Variants in KCNN2 observed in about 807,000 individuals in gnomAD.
KCNN2 encodes the protein small conductance calcium-activated potassium channel protein 2.
In KCNN2, 24 loss-of-function variants were observed where a neutral mutation model predicts 55.5. The observed-to-expected ratio is 0.43, with a 90% CI of 0.31 to 0.61. KCNN2 has a LOEUF of 0.61. Among genes scored for constraint, KCNN2 ranks in the 20% least tolerant of loss-of-function variants. The pLI is 0.08. For synonymous variants in KCNN2, 431 were observed against 336.1 expected, an observed-to-expected ratio of 1.28 and a Z score of -3.09; for missense variants, 754 against 853.6, an observed-to-expected ratio of 0.88 and a Z score of 1.45.
chr5:114,287,095 A>G (rs1208765072), intron 2 of KCNN2, among the ~76,000 whole-genome samples: 2 of 152,216 alleles, frequency 1.3e-5, no homozygotes, highest in Non-Finnish European at 2.9e-5. Flanking sequence ...GAAGACGCCC[A>G]TGGACAGAAC....
intron 1 of KCNN2, among the ~76,000 whole-genome samples, chr5:114,143,016 A>G (rs1299295552): frequency 1.3e-5 from 2 of 152,096 alleles, no homozygotes; most frequent in African/African-American, 4.8e-5. Flanking sequence ...TCCCAGGTGG[A>G]TTGACAGGTC....
rs530226542 is a variant in KCNN2 at position 114,160,552 on chromosome 5, A to T, written c.-270-60928A>T. 3.8e-3 allele frequency among the ~76,000 whole-genome samples: 573 copies of T among 152,088 alleles called. 3 individuals are homozygous for T. The highest frequency in any genetic ancestry group is 0.017 in the Middle Eastern group (5 of 294). On this transcript the variant is annotated intron_variant, in intron 1 of 10. Coordinates refer to the KCNN2 transcript ENST00000512097. ...GTGCAGAGCTGAGTTCAATTCCTGG[A>T]TATCCTTTTTAACTTTCTGTCTCGT...
At chr5:114,156,949 G>A (rs191195791) in intron 1 of KCNN2, among the ~76,000 whole-genome samples, 1 of 151,628 alleles carries the variant, frequency 6.6e-6, no homozygotes, top group African/African-American at 2.4e-5. Context: ...GTTTAGTTAT[G>A]TAGTATACCT....
intron 2 of KCNN2, among the ~76,000 whole-genome samples, chr5:114,404,196 C>A (rs1476014332): frequency 6.6e-6 from 1 of 152,132 alleles, no homozygotes; most frequent in Non-Finnish European, 1.5e-5. Flanking sequence ...ACGTGATTGT[C>A]CAGGAACTTT....
At chr5:114,225,422 T>C (rs1227868896) in intron 2 of KCNN2, among the ~76,000 whole-genome samples, 2 of 152,012 alleles carry the variant, frequency 1.3e-5, no homozygotes, top group Non-Finnish European at 2.9e-5. Context: ...ACAGAAAAGG[T>C]GGAATAGAAG....
chr5:114,484,700 A>T (rs1476284762), intron 5 of KCNN2, among the ~76,000 whole-genome samples: 1 of 152,086 alleles, frequency 6.6e-6, no homozygotes, highest in Non-Finnish European at 1.5e-5. Flanking sequence ...TCTGGGACAT[A>T]TTGTTTTGTG....
intron 3 of KCNN2, among the ~76,000 whole-genome samples, chr5:114,435,687 T>C (rs1759980814): frequency 6.6e-6 from 1 of 152,184 alleles, no homozygotes; most frequent in African/African-American, 2.4e-5. Flanking sequence ...TATAATTTTA[T>C]ATATTAAGTT....
chr5:114,361,701 A>T (rs1422279561), upstream of KCNN2, among the ~76,000 whole-genome samples: 1 of 152,146 alleles, frequency 6.6e-6, no homozygotes, highest in East Asian at 1.9e-4. Flanking sequence ...TGATCCGGGC[A>T]GCGCGTCCGG....
At chr5:114,445,604 T>C (rs1449702564) in intron 3 of KCNN2, among the ~76,000 whole-genome samples, 1 of 152,244 alleles carries the variant, frequency 6.6e-6, no homozygotes, top group African/African-American at 2.4e-5. Flanking sequence ...ATGTTTGACA[T>C]GCATCAAAAT....
At chr5:114,457,784 C>T (rs1561396258) in intron 3 of KCNN2, among the ~76,000 whole-genome samples, 1 of 152,180 alleles carries the variant, frequency 6.6e-6, no homozygotes, top group Non-Finnish European at 1.5e-5. Context: ...TGCCAGGTTT[C>T]CTTCCCTGAG....
chr5:114,396,702 C>T (rs2150066667), intron 2 of KCNN2, among the ~76,000 whole-genome samples: 1 of 152,182 alleles, frequency 6.6e-6, no homozygotes, highest in East Asian at 1.9e-4. Context: ...GCACGCATCA[C>T]CACACCTGGC....
intron 2 of KCNN2, among the ~76,000 whole-genome samples, chr5:114,387,778 A>ACATTTCT (rs1264542580): frequency 1.3e-5 from 2 of 152,214 alleles, no homozygotes; most frequent in African/African-American, 4.8e-5. Flanking sequence ...CTCAGAGACT[A>ACATTTCT]GACTCTCTGA....
At chr5:114,301,292 CT>C (rs1285219653) in intron 2 of KCNN2, among the ~76,000 whole-genome samples, 1 of 152,120 alleles carries the variant, frequency 6.6e-6, no homozygotes, top group Non-Finnish European at 1.5e-5. Flanking sequence ...CTTTATCTCA[CT>C]ATGTCTTGTG....
intron 2 of KCNN2, among the ~76,000 whole-genome samples, chr5:114,393,026 C>A (rs1047893369): frequency 1.3e-5 from 2 of 151,908 alleles, no homozygotes; most frequent in African/African-American, 4.8e-5. Flanking sequence ...CATGATGGAG[C>A]CTCCTCTGAT....
chr5:114,075,069 G>T (rs1051717453), intron 1 of KCNN2, among the ~76,000 whole-genome samples: 3 of 152,222 alleles, frequency 2.0e-5, no homozygotes, highest in African/African-American at 7.2e-5. Context: ...CCAGGAGCCA[G>T]TTAATTTGTA....
chr5:114,421,341 A>C (rs527699302), intron 3 of KCNN2, among the ~76,000 whole-genome samples: 1 of 152,158 alleles, frequency 6.6e-6, no homozygotes, highest in East Asian at 1.9e-4. Context: ...CCCAAGCTGG[A>C]GTGCAGTGGC....
chr5:114,237,691 C>T (rs1008695836), intron 2 of KCNN2, among the ~76,000 whole-genome samples: 2 of 152,148 alleles, frequency 1.3e-5, no homozygotes, highest in East Asian at 1.9e-4. Context: ...TTCTCAGGTC[C>T]CTTACTGCCC....
intron 1 of KCNN2, among the ~76,000 whole-genome samples, chr5:114,177,478 T>G (rs907635940): frequency 1.3e-5 from 2 of 151,876 alleles, no homozygotes; most frequent in Non-Finnish European, 1.5e-5. Flanking sequence ...ACAAGTAAAT[T>G]TATATGTATT....
chr5:114,240,808 G>A (rs1314189669), intron 2 of KCNN2, among the ~76,000 whole-genome samples: 1 of 152,052 alleles, frequency 6.6e-6, no homozygotes, highest in African/African-American at 2.4e-5. Context: ...GTATTTTGAA[G>A]ATTTTAGTTA....
Sources: gnomAD v4.1 joint callset for allele counts (sites outside exome capture counted in the v4.1 genomes callset) on GRCh38, gnomAD v4.1.1 for gene constraint, MANE v1.5 for transcripts, NCBI Gene and HGNC (gene_info 2026-07-23, HGNC 2026-07-21) for gene names.